PCLO: variants seen among roughly 807,000 people sequenced by gnomAD.
PCLO encodes the protein piccolo presynaptic cytomatrix protein.
PCLO carries 82 observed loss-of-function variants against 427.5 expected under a neutral mutation model. The ratio of observed to expected loss-of-function variants is 0.19; its 90% CI spans 0.16 to 0.23. PCLO has a LOEUF of 0.23. PCLO is among the 10% of genes least tolerant of loss of function. The pLI is 1.00. For missense variants in PCLO, 6,239 were observed against 6,115.9 expected (o/e 1.02, Z -0.67); for synonymous variants, 2,357 against 2,155.4 (o/e 1.09, Z -2.59).
chr7:82,850,503 C>T (rs1161274087), intron 10 of PCLO, among the ~76,000 whole-genome samples: 2 of 152,102 alleles, frequency 1.3e-5, no homozygotes, highest in Non-Finnish European at 2.9e-5. Flanking sequence ...TCTAGGATTA[C>T]TTAATATTGT....
intron 9 of PCLO, among the ~76,000 whole-genome samples, chr7:82,897,721 T>G (rs1262038772): frequency 1.3e-5 from 2 of 151,518 alleles, no homozygotes; most frequent in Non-Finnish European, 3.0e-5. Context: ...AGTAAACATT[T>G]AAAAATGCAT....
At chr7:82,855,205 T>C (rs1792770436) in intron 10 of PCLO, among the ~76,000 whole-genome samples, 1 of 152,158 alleles carries the variant, frequency 6.6e-6, no homozygotes, top group Non-Finnish European at 1.5e-5. Flanking sequence ...AAAGCTCAAG[T>C]CACAACCATT....
chr7:82,757,160 GA>G lies in PCLO; in HGVS notation c.*1414del, dbSNP rs1790335463. The G allele has an allele frequency of 6.6e-6, 1 of 152,052 alleles. No individual in the cohort carries two copies. Among genetic ancestry groups the G allele is most frequent in the Non-Finnish European group, 1.5e-5 (1 of 67,972 alleles). 9.4% of individuals were successfully genotyped at this position (152,052 alleles called of 1,614,324 possible). On this transcript the variant is annotated 3_prime_UTR_variant, in exon 25 of 25. Transcript: ENST00000333891. ...TGAGTGTAAGTGACATGTGCAAAGT[GA>G]CACAGTCAGTGGTAGAACTAAGACC...
chr7:82,932,206 G>A (rs1794856002), intron 6 of PCLO, among the ~76,000 whole-genome samples: 1 of 152,226 alleles, frequency 6.6e-6, no homozygotes. Flanking sequence ...TGAACTTTTA[G>A]TTAATATTTC....
chr7:83,109,593 T>A (rs1471569137), intron 3 of PCLO, among the ~76,000 whole-genome samples: 1 of 152,198 alleles, frequency 6.6e-6, no homozygotes, highest in Non-Finnish European at 1.5e-5. Context: ...CCTACCCATA[T>A]GCTACTTCTG....
intron 6 of PCLO, among the ~76,000 whole-genome samples, chr7:82,940,418 C>T (rs1341451500): frequency 6.6e-6 from 1 of 152,096 alleles, no homozygotes; most frequent in Non-Finnish European, 1.5e-5. Flanking sequence ...TTAATTAGTA[C>T]TTTCTAATGG....
intron 14 of PCLO, among the ~76,000 whole-genome samples, chr7:82,840,673 C>T (rs945104439): frequency 9.2e-5 from 14 of 152,002 alleles, no homozygotes; most frequent in African/African-American, 2.9e-4. Flanking sequence ...CAAATTAATT[C>T]GAGTTTCTGT....
chr7:82,903,620 AAGAC>A (rs1794113141), intron 8 of PCLO, among the ~76,000 whole-genome samples: 3 of 151,964 alleles, frequency 2.0e-5, no homozygotes, highest in Admixed American at 1.3e-4. Flanking sequence ...GAAATAATGA[AAGAC>A]AGAAATAGTA....
chr7:82,804,899 G>A (rs1335591385), intron 21 of PCLO, among the ~76,000 whole-genome samples: 1 of 152,134 alleles, frequency 6.6e-6, no homozygotes, highest in African/African-American at 2.4e-5. Context: ...TGGGACCTGG[G>A]TGGCCCAGTG....
At chr7:82,826,872 G>A (rs1791958885) in intron 17 of PCLO, among the ~76,000 whole-genome samples, 1 of 151,956 alleles carries the variant, frequency 6.6e-6, no homozygotes, top group African/African-American at 2.4e-5. Flanking sequence ...TGATCATGGG[G>A]AACATTATTA....
At chr7:82,877,501 A>T (rs1238890136) in intron 10 of PCLO, among the ~76,000 whole-genome samples, 1 of 152,144 alleles carries the variant, frequency 6.6e-6, no homozygotes, top group Non-Finnish European at 1.5e-5. Context: ...AAAAATTATC[A>T]TTGGGCGTGA....
chr7:82,794,463 T>G (rs1246473515), intron 22 of PCLO, among the ~76,000 whole-genome samples: 2,030 of 64,132 alleles, frequency 0.032, 170 homozygotes, highest in African/African-American at 0.14. Context: ...TTTTTTCTTT[T>G]TTTTTTTTTT....
At chr7:82,918,664 CT>C (rs1347519346) in intron 6 of PCLO, among the ~76,000 whole-genome samples, 3 of 151,938 alleles carry the variant, frequency 2.0e-5, no homozygotes, top group African/African-American at 7.2e-5. Context: ...AAACTACATA[CT>C]ATTTGTTTTT....
intron 4 of PCLO, among the ~76,000 whole-genome samples, chr7:82,958,106 G>A (rs749495761): frequency 2.6e-5 from 4 of 152,158 alleles, no homozygotes; most frequent in Non-Finnish European, 5.9e-5. Flanking sequence ...GGGGTTAGGG[G>A]AACAGCTGCC....
intron 3 of PCLO, among the ~76,000 whole-genome samples, chr7:83,000,570 G>A (rs1787798012): frequency 6.6e-6 from 1 of 151,922 alleles, no homozygotes; most frequent in South Asian, 2.1e-4. Flanking sequence ...AGATCATCAG[G>A]CATTAGATTT....
chr7:82,820,608 C>T lies in PCLO; in HGVS notation c.14791+1887G>A, dbSNP rs926213501. Reference sequence around the variant, plus strand: ...GTCTGTTTGTAGGATCAAGAGAGAACTTTCACCATGTAAAGGTAAATGAGT... The same window carrying T: ...GTCTGTTTGTAGGATCAAGAGAGAATTTTCACCATGTAAAGGTAAATGAGT... On this transcript the variant is annotated intron_variant, in intron 20 of 24. Coordinates refer to ENST00000333891, the MANE Select transcript of PCLO (RefSeq NM_033026.6). The T allele has an allele frequency of 8.9e-6, 11 of 1,229,496 alleles. No homozygotes were observed. In the African/African-American group the frequency reaches 1.2e-4, roughly 14 times the overall value. The allele number at this position is 1,229,496 out of a possible 1,614,324, so 76.2% of individuals were successfully genotyped here.
chr7:82,797,572 G>C, intron 22 of PCLO, among the ~76,000 whole-genome samples: 1 of 152,016 alleles, frequency 6.6e-6, no homozygotes, highest in East Asian at 1.9e-4. Flanking sequence ...TCATTTCTTT[G>C]GATGGGATCA....
At chr7:82,994,635 G>GGGGTC (rs886583586) in intron 3 of PCLO, among the ~76,000 whole-genome samples, 48 of 130,724 alleles carry the variant, frequency 3.7e-4, no homozygotes, top group African/African-American at 1.3e-3. Context: ...ATATATTTAT[G>GGGGTC]GGGTATATGA....
chr7:83,063,123 T>C (rs1161452710), intron 3 of PCLO, among the ~76,000 whole-genome samples: 2 of 152,058 alleles, frequency 1.3e-5, no homozygotes, highest in African/African-American at 4.8e-5. Context: ...AGAAACTAAG[T>C]AAAATAATTA....
Sources: allele counts gnomAD v4.1 joint callset (sites outside exome capture counted in the v4.1 genomes callset), GRCh38; gene constraint gnomAD v4.1.1; transcripts MANE v1.5; gene names NCBI Gene and HGNC (gene_info 2026-07-23, HGNC 2026-07-21).